GALNT13: variants seen among roughly 807,000 people sequenced by gnomAD.
GALNT13 encodes UDP-GalNAc:polypeptide N-acetylgalactosaminyltransferase 13.
A neutral mutation model predicts 64.2 loss-of-function variants in GALNT13; 28 were observed. The observed-to-expected ratio is 0.44, with a 90% CI of 0.32 to 0.60. The LOEUF is 0.60. Among genes scored for constraint, GALNT13 ranks in the 20% least tolerant of loss-of-function variants. The probability of loss-of-function intolerance (pLI) is 0.05; values close to 1 mark genes in which losing one functional copy is unlikely to be tolerated. For synonymous variants in GALNT13, 214 were observed against 224.6 expected (o/e 0.95, Z 0.42); for missense variants, 577 against 669.8 (o/e 0.86, Z 1.53).
the GALNT13 span, among the ~76,000 whole-genome samples, chr2:153,268,655 CA>C: frequency 6.6e-6 from 1 of 152,338 alleles, no homozygotes; most frequent in South Asian, 2.1e-4. Flanking sequence ...TGCCCTGGTA[CA>C]GGTTCTCTAT....
At chr2:153,241,966 T>A in the GALNT13 span, among the ~76,000 whole-genome samples, 1 of 152,052 alleles carries the variant, frequency 6.6e-6, no homozygotes, top group African/African-American at 2.4e-5. Context: ...AATTTCTCCA[T>A]CTTGTTTTGT....
At chr2:153,277,843 TC>T in the GALNT13 span, among the ~76,000 whole-genome samples, 1 of 151,682 alleles carries the variant, frequency 6.6e-6, no homozygotes, top group South Asian at 2.1e-4. Flanking sequence ...AAGTATCTGT[TC>T]TTTGCCCATT....
intron 3 of GALNT13, among the ~76,000 whole-genome samples, chr2:154,024,345 G>A (rs570027831): frequency 6.6e-6 from 1 of 152,150 alleles, no homozygotes; most frequent in Non-Finnish European, 1.5e-5. Flanking sequence ...ATCAGACATA[G>A]ATTTGGTCTT....
At chr2:153,777,597 G>A in the GALNT13 span, among the ~76,000 whole-genome samples, 1 of 152,082 alleles carries the variant, frequency 6.6e-6, no homozygotes, top group Non-Finnish European at 1.5e-5. Context: ...ACATTTTATT[G>A]GCCAATGCAG....
chr2:154,359,742 G>A (rs1467687801), intron 9 of GALNT13, among the ~76,000 whole-genome samples: 4 of 152,108 alleles, frequency 2.6e-5, no homozygotes, highest in African/African-American at 7.2e-5. Context: ...ATTGATTAGT[G>A]CATGTTGATA....
intron 4 of GALNT13, among the ~76,000 whole-genome samples, chr2:154,213,130 T>A (rs913936947): frequency 2.6e-5 from 4 of 152,168 alleles, no homozygotes; most frequent in African/African-American, 9.7e-5. Context: ...TTGAGAAGGT[T>A]CTGGCTCTGT....
intron 3 of GALNT13, among the ~76,000 whole-genome samples, chr2:153,993,952 C>T (rs893199840): frequency 1.3e-5 from 2 of 151,936 alleles, no homozygotes; most frequent in Non-Finnish European, 2.9e-5. Context: ...TTCTAGAGTA[C>T]ATGTGTACAA....
the GALNT13 span, among the ~76,000 whole-genome samples, chr2:153,276,607 C>T: frequency 6.6e-6 from 1 of 152,082 alleles, no homozygotes; most frequent in Non-Finnish European, 1.5e-5. Flanking sequence ...TCTGTTAATA[C>T]AGTCCCAAAT....
At chr2:154,199,201 C>T (rs996458310) in intron 4 of GALNT13, among the ~76,000 whole-genome samples, 11 of 151,610 alleles carry the variant, frequency 7.3e-5, no homozygotes, top group Non-Finnish European at 1.5e-4. Context: ...TTCTGTTCTG[C>T]TCTGAATGTT....
At chr2:153,952,981 A>G (rs1360171382) in intron 3 of GALNT13, among the ~76,000 whole-genome samples, 2 of 152,186 alleles carry the variant, frequency 1.3e-5, no homozygotes, top group African/African-American at 4.8e-5. Flanking sequence ...GCCTGCTTTT[A>G]TCCTAACCAT....
Position 154,409,002 on chromosome 2 carries a change from A to T in GALNT13, c.1315A>T (p.Asn439Tyr). ...SLGEIRNVET[N>Y]QCLDNMGRKE... ...CCTTTAGATAAGAAATGTTGAAACC[A>T]ATCAGTGTTTAGACAACATGGGCCG... is the stretch of plus-strand genomic sequence containing the variant. The change falls in exon 11 of 13, where the codon AAT becomes TAT. Residue 439 changes from asparagine (N) to tyrosine (Y), a missense_variant. Coordinates refer to ENST00000392825, the MANE Select transcript of GALNT13 (RefSeq NM_052917.4). 2 of 1,609,580 alleles carry T rather than the reference A, an allele frequency of 1.2e-6. No homozygotes were observed. Among genetic ancestry groups the T allele is most frequent in the Non-Finnish European group, 1.7e-6 (2 of 1,176,520 alleles).
chr2:153,977,504 T>C (rs1307013064), intron 3 of GALNT13, among the ~76,000 whole-genome samples: 1 of 152,078 alleles, frequency 6.6e-6, no homozygotes, highest in East Asian at 1.9e-4. Flanking sequence ...AATCACTAAC[T>C]CACTATCAGA....
chr2:154,196,536 G>T (rs2105768728), intron 4 of GALNT13, among the ~76,000 whole-genome samples: 1 of 152,270 alleles, frequency 6.6e-6, no homozygotes, highest in East Asian at 1.9e-4. Flanking sequence ...GCAGCATAAA[G>T]ATAGAAATAA....
At chr2:153,119,252 G>A in the GALNT13 span, among the ~76,000 whole-genome samples, 4 of 152,060 alleles carry the variant, frequency 2.6e-5, no homozygotes, top group African/African-American at 9.7e-5. Context: ...CAGCTAGGAA[G>A]CATCTGAGCT....
chr2:154,068,417 G>T (rs1201281370), intron 3 of GALNT13, among the ~76,000 whole-genome samples: 8 of 151,942 alleles, frequency 5.3e-5, no homozygotes, highest in Admixed American at 5.3e-4. Flanking sequence ...ATACTCCCAT[G>T]TTTATTGCAA....
intron 9 of GALNT13, among the ~76,000 whole-genome samples, chr2:154,360,025 T>C (rs180934220): frequency 1.3e-5 from 2 of 152,062 alleles, no homozygotes; most frequent in Admixed American, 1.3e-4. Flanking sequence ...TCTAAGAAAA[T>C]GTAGTTAAGG....
Position 154,195,724 on chromosome 2 carries a change from T to A in GALNT13, c.312-46306T>A, listed in dbSNP as rs754243371. Among the ~76,000 whole-genome samples, 44 of 151,932 alleles carry A rather than the reference T, an allele frequency of 2.9e-4. 1 individual carries two copies. Among genetic ancestry groups the A allele is most frequent in the Non-Finnish European group, 4.3e-4 (29 of 67,918 alleles). Reference sequence around the variant, plus strand: ...CCTCTTCAAATTTTGAAAAAAAAAATATTAGCTATGGGGCTTAAATGAACT... The same window carrying A: ...CCTCTTCAAATTTTGAAAAAAAAAAAATTAGCTATGGGGCTTAAATGAACT... On this transcript the variant is annotated intron_variant, in intron 4 of 12. Transcript: ENST00000392825.
the GALNT13 span, among the ~76,000 whole-genome samples, chr2:153,404,016 A>T: frequency 3.3e-5 from 5 of 152,314 alleles, no homozygotes; most frequent in East Asian, 9.7e-4. Context: ...GGGTCTCAGA[A>T]ATCTGTGTTT....
chr2:153,185,808 T>C, the GALNT13 span, among the ~76,000 whole-genome samples: 131,408 of 152,200 alleles, frequency 0.86, 57,131 homozygotes, highest in African/African-American at 0.96. Context: ...TGTGATTGTG[T>C]TGTGGTCTGA....
Sources: allele counts gnomAD v4.1 joint callset (sites outside exome capture counted in the v4.1 genomes callset), GRCh38; gene constraint gnomAD v4.1.1; transcripts MANE v1.5; gene names NCBI Gene and HGNC (gene_info 2026-07-23, HGNC 2026-07-21).